The following FARS2 variants were observed in gnomAD, a reference collection of about 807,000 sequenced individuals.
The protein encoded by FARS2 is phenylalanyl-tRNA synthetase 2, mitochondrial.
A neutral mutation model predicts 46.4 loss-of-function variants in FARS2; 40 were observed. The ratio of observed to expected loss-of-function variants is 0.86; its 90% CI spans 0.67 to 1.12. The LOEUF is 1.12. Among genes scored for constraint, FARS2 ranks in the 50% most tolerant of loss-of-function variants. The pLI, the probability that FARS2 is intolerant of heterozygous loss-of-function variation, is 0.00. For missense variants in FARS2, 513 were observed against 567.9 expected (o/e 0.90, Z 0.98); for synonymous variants, 234 against 214.9 (o/e 1.09, Z -0.78).
chr6:5,599,384 T>C (rs377295647), intron 5 of FARS2, among the ~76,000 whole-genome samples: 1 of 152,342 alleles, frequency 6.6e-6, no homozygotes, highest in East Asian at 1.9e-4. Context: ...GCAAACCTCC[T>C]GCAAATATTT....
chr6:5,712,633 G>A (rs535321775), intron 6 of FARS2, among the ~76,000 whole-genome samples: 1 of 152,338 alleles, frequency 6.6e-6, no homozygotes, highest in African/African-American at 2.4e-5. Flanking sequence ...GCTGGAAAGC[G>A]GCAGAGCCAA....
At chr6:5,319,669 G>C (rs958628658) in intron 1 of FARS2, among the ~76,000 whole-genome samples, 7 of 152,132 alleles carry the variant, frequency 4.6e-5, no homozygotes, top group Non-Finnish European at 1.0e-4. Context: ...AGTTGCCTTG[G>C]TCTCTCACTC....
chr6:5,760,537 C>A (rs1472127022), intron 6 of FARS2, among the ~76,000 whole-genome samples: 1 of 152,200 alleles, frequency 6.6e-6, no homozygotes, highest in East Asian at 1.9e-4. Context: ...GGACCTGATC[C>A]TGGGTCCAGT....
chr6:5,249,977 TA>T, the FARS2 span, among the ~76,000 whole-genome samples: 1 of 152,216 alleles, frequency 6.6e-6, no homozygotes, highest in African/African-American at 2.4e-5. Context: ...AGGTTCATTA[TA>T]GCCATTTCAA....
intron 4 of FARS2, among the ~76,000 whole-genome samples, chr6:5,472,694 C>T (rs541526722): frequency 4.9e-4 from 74 of 152,142 alleles, no homozygotes; most frequent in African/African-American, 1.6e-3. Flanking sequence ...CCTAGGTGGT[C>T]CAAGGTGCAA....
intron 3 of FARS2, among the ~76,000 whole-genome samples, chr6:5,417,799 A>G (rs1202808922): frequency 6.6e-6 from 1 of 152,160 alleles, no homozygotes; most frequent in Non-Finnish European, 1.5e-5. Context: ...AATTGTGGTC[A>G]ATTATTTCTT....
chr6:5,686,377 A>G (rs957276695), intron 6 of FARS2, among the ~76,000 whole-genome samples: 2 of 146,898 alleles, frequency 1.4e-5, no homozygotes, highest in East Asian at 2.0e-4. Flanking sequence ...AACAGGCCCC[A>G]GTGTGTGATG....
intron 4 of FARS2, among the ~76,000 whole-genome samples, chr6:5,538,622 C>T (rs75973999): frequency 1.3e-5 from 2 of 152,116 alleles, no homozygotes; most frequent in African/African-American, 4.8e-5. Context: ...AATCTAAGAT[C>T]AATTTATTTC....
At chr6:5,422,832 A>C (rs1294727334) in intron 3 of FARS2, among the ~76,000 whole-genome samples, 1 of 152,110 alleles carries the variant, frequency 6.6e-6, no homozygotes, top group African/African-American at 2.4e-5. Flanking sequence ...TCAGATTATG[A>C]GCTGAATTTC....
intron 4 of FARS2, among the ~76,000 whole-genome samples, chr6:5,453,079 A>G (rs1326839504): frequency 1.3e-5 from 2 of 152,196 alleles, no homozygotes; most frequent in African/African-American, 2.4e-5. Context: ...AAACTCCACT[A>G]CTGAAGTTTG....
intron 5 of FARS2, among the ~76,000 whole-genome samples, chr6:5,546,395 C>T (rs1337602138): frequency 2.0e-5 from 3 of 151,368 alleles, no homozygotes; most frequent in African/African-American, 4.9e-5. Context: ...GGATTACAGG[C>T]GCCCACCACT....
chr6:5,404,699 A>T lies in FARS2; in HGVS notation c.770A>T (p.Asp257Val). The T allele has an allele frequency of 6.3e-7, 1 of 1,584,186 alleles. No homozygotes were observed. Among genetic ancestry groups the T allele is most frequent in the Non-Finnish European group, 8.6e-7 (1 of 1,163,518 alleles). ...LTRLMAHLFGDELEIRWVDCY... is the reference protein window; with the variant it reads ...LTRLMAHLFGVELEIRWVDCY... ...AGGCTCATGGCACATCTTTTTGGAG[A>T]TGGTAAGTGCTCAAACACAGGTTGA... The change falls in exon 3 of 7, where the codon GAT becomes GTT. Residue 257 changes from aspartate (D) to valine (V), a missense_variant and splice_region_variant. Physicochemically the swap from Asp to Val is radical, Grantham distance 152. Coordinates refer to ENST00000274680, the MANE Select transcript of FARS2 (RefSeq NM_006567.5).
intron 4 of FARS2, among the ~76,000 whole-genome samples, chr6:5,454,545 C>T (rs1345084382): frequency 2.0e-5 from 3 of 151,958 alleles, no homozygotes; most frequent in African/African-American, 4.8e-5. Context: ...GGGGTTTCAC[C>T]GTGTTAGCCA....
At chr6:5,419,189 T>G (rs1762406720) in intron 3 of FARS2, among the ~76,000 whole-genome samples, 1 of 152,198 alleles carries the variant, frequency 6.6e-6, no homozygotes, top group African/African-American at 2.4e-5. Context: ...GACTGGGAGA[T>G]GGATACAATC....
At chr6:5,732,798 C>T (rs1194001102) in intron 6 of FARS2, among the ~76,000 whole-genome samples, 2 of 149,142 alleles carry the variant, frequency 1.3e-5, no homozygotes, top group East Asian at 3.9e-4. Context: ...TAGGTAGGAC[C>T]TTTTCATATC....
intron 6 of FARS2, among the ~76,000 whole-genome samples, chr6:5,729,084 A>G (rs1228198820): frequency 1.3e-5 from 2 of 151,982 alleles, no homozygotes; most frequent in East Asian, 3.9e-4. Flanking sequence ...ACTGCAGATG[A>G]CTCTTATTTC....
intron 6 of FARS2, among the ~76,000 whole-genome samples, chr6:5,653,567 G>A (rs1353972687): frequency 2.0e-5 from 3 of 152,194 alleles, no homozygotes; most frequent in African/African-American, 4.8e-5. Flanking sequence ...CAAGTCTGAC[G>A]AGACTGGTGT....
chr6:5,268,073 T>A (rs1254123765), intron 1 of FARS2, among the ~76,000 whole-genome samples: 1 of 152,164 alleles, frequency 6.6e-6, no homozygotes, highest in Non-Finnish European at 1.5e-5. Flanking sequence ...CTTGTAAATT[T>A]GTTTAAGTTC....
intron 6 of FARS2, among the ~76,000 whole-genome samples, chr6:5,737,522 C>A (rs921311740): frequency 3.9e-5 from 6 of 152,158 alleles, no homozygotes; most frequent in Non-Finnish European, 7.4e-5. Flanking sequence ...CAGAGCAAGA[C>A]CCTGTCTGAA....
Sources: allele counts gnomAD v4.1 joint callset (sites outside exome capture counted in the v4.1 genomes callset), GRCh38; gene constraint gnomAD v4.1.1; transcripts MANE v1.5; gene names NCBI Gene and HGNC (gene_info 2026-07-23, HGNC 2026-07-21).